The following DCC variants were observed in gnomAD, a reference collection of about 807,000 sequenced individuals.
DCC encodes netrin receptor DCC.
In DCC, 58 loss-of-function variants were observed where a neutral mutation model predicts 172.5. The ratio of observed to expected loss-of-function variants is 0.34; its 90% CI spans 0.27 to 0.42. The LOEUF is 0.42. Ranked by LOEUF, DCC falls within the 10% of genes least tolerant of loss-of-function variation. The probability of loss-of-function intolerance (pLI) is 1.00; values close to 1 mark genes in which losing one functional copy is unlikely to be tolerated. For missense variants in DCC, 1,740 were observed against 1,791.0 expected (o/e 0.97, Z 0.51); for synonymous variants, 709 against 644.5 (o/e 1.10, Z -1.52).
chr18:53,210,690 T>C (rs1434562651), intron 11 of DCC, among the ~76,000 whole-genome samples: 4 of 152,226 alleles, frequency 2.6e-5, no homozygotes, highest in Non-Finnish European at 5.9e-5. Flanking sequence ...AACATAATAA[T>C]TCTTTTCATA....
intron 7 of DCC, among the ~76,000 whole-genome samples, chr18:53,149,141 A>T (rs2043962364): frequency 2.0e-5 from 3 of 152,010 alleles, no homozygotes; most frequent in Admixed American, 2.0e-4. Context: ...GATTACAGGC[A>T]TGAGCCACCA....
At chr18:53,324,667 T>C (rs9951347) in intron 14 of DCC, among the ~76,000 whole-genome samples, 85 of 152,218 alleles carry the variant, frequency 5.6e-4, no homozygotes, top group African/African-American at 2.0e-3. Flanking sequence ...GATTGAGATA[T>C]ATATGGCAAG....
chr18:53,296,176 G>A (rs781120641), intron 12 of DCC, among the ~76,000 whole-genome samples: 2 of 152,118 alleles, frequency 1.3e-5, no homozygotes, highest in Non-Finnish European at 1.5e-5. Context: ...GCTACTGTAC[G>A]TGGTCTTGCT....
At chr18:53,121,848 TCTATAAAGCTTA>T (rs1453836423) in intron 7 of DCC, among the ~76,000 whole-genome samples, 5 of 151,930 alleles carry the variant, frequency 3.3e-5, no homozygotes, top group Non-Finnish European at 7.4e-5. Flanking sequence ...TGCTCACAGT[TCTATAAAGCTTA>T]CTCTGTACTT....
intron 7 of DCC, among the ~76,000 whole-genome samples, chr18:53,138,348 T>TA (rs1290220913): frequency 6.6e-6 from 1 of 152,118 alleles, no homozygotes; most frequent in Admixed American, 6.6e-5. Context: ...GTGACTGCAT[T>TA]AAAAAACCTG....
At chr18:52,434,915 G>T (rs1342278670) in intron 1 of DCC, among the ~76,000 whole-genome samples, 1 of 152,068 alleles carries the variant, frequency 6.6e-6, no homozygotes, top group East Asian at 1.9e-4. Context: ...GTAAATCTTT[G>T]TTGTACACAT....
chr18:52,768,231 G>T (rs1033317658), intron 2 of DCC, among the ~76,000 whole-genome samples: 5 of 152,134 alleles, frequency 3.3e-5, no homozygotes, highest in Non-Finnish European at 7.4e-5. Context: ...TAGAGTGTAA[G>T]GTCTTACCTG....
intron 1 of DCC, among the ~76,000 whole-genome samples, chr18:52,581,297 T>C (rs973574452): frequency 6.7e-6 from 1 of 149,950 alleles, no homozygotes; most frequent in African/African-American, 2.5e-5. Context: ...GCTTGTTGTA[T>C]GGCCTTAGGC....
At chr18:52,406,110 G>C (rs1986640733) in intron 1 of DCC, among the ~76,000 whole-genome samples, 1 of 146,322 alleles carries the variant, frequency 6.8e-6, no homozygotes, top group African/African-American at 2.5e-5. Context: ...GGGAAAACTG[G>C]CTAGCCATAT....
intron 5 of DCC, among the ~76,000 whole-genome samples, chr18:52,955,008 C>T (rs370317290): frequency 5.6e-4 from 85 of 152,234 alleles, no homozygotes; most frequent in Admixed American, 9.8e-4. Context: ...GACCATCCCA[C>T]GCCTCAATGA....
intron 2 of DCC, among the ~76,000 whole-genome samples, chr18:52,794,787 GTCTT>G (rs760497606): frequency 4.6e-5 from 7 of 151,806 alleles, no homozygotes; most frequent in Non-Finnish European, 7.4e-5. Context: ...CATATATATG[GTCTT>G]TCTTTATTAT....
chr18:53,387,380 A>G lies in DCC; in HGVS notation c.2455+1242A>G, dbSNP rs186998320. Among the ~76,000 whole-genome samples, 25 of 152,280 alleles carry G rather than the reference A, an allele frequency of 1.6e-4. No individual in the cohort carries two copies. The East Asian group carries it at 3.3e-3, about 20-fold the overall frequency. On this transcript the variant is annotated intron_variant, in intron 16 of 28. Transcript: ENST00000442544. ...TTGTAGTCTCTTTGAATCTTTGACC[A>G]TTGTTTCCAGGTCTACAATCTGTCT... is the stretch of plus-strand genomic sequence containing the variant.
Position 52,845,953 on chromosome 18 carries a change from G to A in DCC, c.413-60091G>A, listed in dbSNP as rs139458869. Reference sequence around the variant, plus strand: ...GATTATACTTAAGTTTCCTTTTACTGTGTACATGGAGCTTCAGTGTGCTTA... The same window carrying A: ...GATTATACTTAAGTTTCCTTTTACTATGTACATGGAGCTTCAGTGTGCTTA... On this transcript the variant is annotated intron_variant, in intron 2 of 28. Transcript: ENST00000442544. Among the ~76,000 whole-genome samples the A allele has an allele frequency of 1.6e-4, 25 of 152,280 alleles. No homozygotes were observed. In the East Asian group the frequency reaches 4.6e-3, roughly 28 times the overall value.
intron 2 of DCC, among the ~76,000 whole-genome samples, chr18:52,753,339 C>T (rs538594864): frequency 1.3e-5 from 2 of 152,144 alleles, no homozygotes; most frequent in Admixed American, 6.5e-5. Flanking sequence ...TCTTAGAAAA[C>T]AGTCATAGGA....
At chr18:52,940,527 G>A (rs1943132) in intron 5 of DCC, among the ~76,000 whole-genome samples, 36,382 of 152,050 alleles carry the variant, frequency 0.24, 4,591 homozygotes, top group Admixed American at 0.31. Context: ...TGGAGGATGG[G>A]CCATTATGAC....
rs2037191721 is a variant in DCC at position 52,763,271 on chromosome 18, C to CCTATATAAAT, written c.412+10904_412+10905insAATCTATATA. ...GAAAGTATGTTAAAGATTAATAAAG[C>CCTATATAAAT]CTATATAGCTTCAACATTAAATTTC... On this transcript the variant is annotated intron_variant, in intron 2 of 28. Transcript: ENST00000442544. Among the ~76,000 whole-genome samples, 5 of 152,268 alleles carry CCTATATAAAT rather than the reference C, an allele frequency of 3.3e-5. No individual in the cohort carries two copies. In the South Asian group the frequency reaches 1.0e-3, roughly 32 times the overall value.
At chr18:52,896,714 C>A (rs1159307627) in intron 2 of DCC, among the ~76,000 whole-genome samples, 7 of 152,044 alleles carry the variant, frequency 4.6e-5, no homozygotes, top group African/African-American at 1.4e-4. Flanking sequence ...TCTGTTGGCC[C>A]TATAATTAAT....
chr18:53,422,003 G>C (rs1231307519), intron 21 of DCC, among the ~76,000 whole-genome samples: 4 of 152,176 alleles, frequency 2.6e-5, no homozygotes, highest in Non-Finnish European at 4.4e-5. Flanking sequence ...TATGTAAGTG[G>C]TGTGAAAGTT....
At chr18:53,088,801 T>C (rs1453790352) in intron 7 of DCC, among the ~76,000 whole-genome samples, 2 of 152,214 alleles carry the variant, frequency 1.3e-5, no homozygotes, top group Non-Finnish European at 2.9e-5. Flanking sequence ...TGATTTTCTA[T>C]TATTTTGTGT....
Sources: allele counts gnomAD v4.1 joint callset (sites outside exome capture counted in the v4.1 genomes callset), GRCh38; gene constraint gnomAD v4.1.1; transcripts MANE v1.5; gene names NCBI Gene and HGNC (gene_info 2026-07-23, HGNC 2026-07-21).